DSCAML1: variants seen among roughly 807,000 people sequenced by gnomAD.
DSCAML1 encodes DS cell adhesion molecule like 1.
Under a neutral mutation model 200.5 loss-of-function variants are expected in DSCAML1, and 38 were observed. The ratio of observed to expected loss-of-function variants is 0.19; its 90% CI spans 0.15 to 0.25. The LOEUF (loss-of-function observed/expected upper bound fraction) is 0.25. Ranked by LOEUF, DSCAML1 falls within the 10% of genes least tolerant of loss-of-function variation. The pLI, the probability that DSCAML1 is intolerant of heterozygous loss-of-function variation, is 1.00. For missense variants in DSCAML1, 2,223 were observed against 2,858.8 expected (o/e 0.78, Z 5.07); for synonymous variants, 1,215 against 1,165.0 (o/e 1.04, Z -0.87).
intron 14 of DSCAML1, 138 bp from the exon 15 acceptor site, chr11:117,472,174 G>C: frequency 1.1e-6 from 1 of 915,878 alleles, no homozygotes; most frequent in Admixed American, 2.4e-5. Flanking sequence ...GAGGGCACAG[G>C]CCTGAACAAC....
At chr11:117,751,295 G>A (rs1238221856) in intron 3 of DSCAML1, among the ~76,000 whole-genome samples, 1 of 151,682 alleles carries the variant, frequency 6.6e-6, no homozygotes, top group Non-Finnish European at 1.5e-5. Flanking sequence ...CACACCTTCT[G>A]CTGCATATGC....
intron 3 of DSCAML1, among the ~76,000 whole-genome samples, chr11:117,537,219 T>C (rs1290256263): frequency 1.3e-5 from 2 of 152,192 alleles, no homozygotes; most frequent in Admixed American, 6.5e-5. Flanking sequence ...CATTCATCCA[T>C]CCAGCTCAGT....
intron 11 of DSCAML1, among the ~76,000 whole-genome samples, chr11:117,486,034 A>C (rs2049041225): frequency 6.6e-6 from 1 of 152,238 alleles, no homozygotes; most frequent in African/African-American, 2.4e-5. Flanking sequence ...CCAGGTAATA[A>C]GGACTACCTC....
chr11:117,610,069 AC>A (rs1201086723), intron 3 of DSCAML1, among the ~76,000 whole-genome samples: 6 of 152,298 alleles, frequency 3.9e-5, no homozygotes, highest in Admixed American at 3.3e-4. Context: ...CAAAAAAGCA[AC>A]CTGCCCCCTC....
At chr11:117,440,957 T>TCC (rs892906185) in intron 21 of DSCAML1, among the ~76,000 whole-genome samples, 4 of 142,112 alleles carry the variant, frequency 2.8e-5, no homozygotes, top group Non-Finnish European at 6.0e-5. Flanking sequence ...AGGAGTGGTG[T>TCC]CCTCAGCCGA....
intron 3 of DSCAML1, among the ~76,000 whole-genome samples, chr11:117,566,422 A>C (rs1222487135): frequency 6.8e-6 from 1 of 146,392 alleles, no homozygotes; most frequent in South Asian, 2.1e-4. Flanking sequence ...ATCACCGCTC[A>C]CTGCAACCTC....
intron 19 of DSCAML1, among the ~76,000 whole-genome samples, chr11:117,451,697 C>T (rs2048286497): frequency 6.6e-6 from 1 of 152,002 alleles, no homozygotes; most frequent in Non-Finnish European, 1.5e-5. Flanking sequence ...TGCTTGTTTT[C>T]CCAGCTACTA....
intron 2 of DSCAML1, among the ~76,000 whole-genome samples, chr11:117,778,520 A>G (rs2055173480): frequency 6.6e-6 from 1 of 152,248 alleles, no homozygotes; most frequent in Admixed American, 6.5e-5. Flanking sequence ...TTCATTTATG[A>G]AAGGAAATCA....
chr11:117,452,098 A>G (rs1023549955), intron 19 of DSCAML1, among the ~76,000 whole-genome samples: 2 of 152,136 alleles, frequency 1.3e-5, no homozygotes, highest in Admixed American at 1.3e-4. Flanking sequence ...ATGTCTCTGC[A>G]GCTGTGGGGT....
intron 3 of DSCAML1, among the ~76,000 whole-genome samples, chr11:117,776,015 A>G (rs1046005621): frequency 6.6e-6 from 1 of 152,202 alleles, no homozygotes; most frequent in African/African-American, 2.4e-5. Flanking sequence ...AACCCCTGCA[A>G]TGTGCGGAGA....
At position 117,431,662 on chromosome 11, in the gene DSCAML1, G is replaced by A; in HGVS notation, c.5246C>T (p.Thr1749Ile). 6.2e-7 allele frequency: 1 copy of A among 1,612,770 alleles called. No individual in the cohort carries two copies. Among genetic ancestry groups the A allele is most frequent in the Non-Finnish European group, 8.5e-7 (1 of 1,179,118 alleles). ...TGTGGAGGCCTGGCACTTGGTCAGG[G>A]TCCACTGGCTTGAGTACCGGTTCCG... The part of the protein sequence containing the change: ...STRNRYSSQW[T>I]LTKCQASTPA... The change falls in exon 31 of 33, where the codon ACC becomes ATC. Residue 1749 changes from threonine (T) to isoleucine (I), a missense_variant. By Grantham distance (89) the Thr-to-Ile change is moderately conservative. Coordinates refer to ENST00000651296, the MANE Select transcript of DSCAML1 (RefSeq NM_020693.4).
intron 3 of DSCAML1, among the ~76,000 whole-genome samples, chr11:117,580,181 G>A (rs573286073): frequency 6.6e-6 from 1 of 152,318 alleles, no homozygotes; most frequent in African/African-American, 2.4e-5. Context: ...AATGTACTCA[G>A]GAGATCATGT....
At chr11:117,757,847 A>C (rs2054723356) in intron 3 of DSCAML1, among the ~76,000 whole-genome samples, 1 of 152,058 alleles carries the variant, frequency 6.6e-6, no homozygotes, top group African/African-American at 2.4e-5. Flanking sequence ...AAAATTAGCC[A>C]GGTGTGGTGG....
At chr11:117,567,493 G>A (rs1174801148) in intron 3 of DSCAML1, among the ~76,000 whole-genome samples, 10 of 152,120 alleles carry the variant, frequency 6.6e-5, no homozygotes, top group Non-Finnish European at 1.3e-4. Context: ...TTTGTCAGAT[G>A]AGTAGGTTGT....
chr11:117,552,541 C>G (rs1043455972), intron 3 of DSCAML1, among the ~76,000 whole-genome samples: 9 of 152,096 alleles, frequency 5.9e-5, no homozygotes, highest in Admixed American at 1.3e-4. Context: ...CTTAATCTCT[C>G]TGGGCAATCA....
At chr11:117,803,835 G>GGT (rs2055684035) in intron 1 of DSCAML1, among the ~76,000 whole-genome samples, 1 of 152,218 alleles carries the variant, frequency 6.6e-6, no homozygotes, top group Non-Finnish European at 1.5e-5. Flanking sequence ...GGCCCATGGT[G>GGT]GTGACCTTGA....
intron 19 of DSCAML1, among the ~76,000 whole-genome samples, chr11:117,457,145 G>A (rs2137134708): frequency 6.6e-6 from 1 of 152,362 alleles, no homozygotes; most frequent in Admixed American, 6.5e-5. Flanking sequence ...ATGCCAGGCT[G>A]GGGGCATGCA....
At chr11:117,694,411 A>T (rs192601024) in intron 3 of DSCAML1, among the ~76,000 whole-genome samples, 3 of 143,912 alleles carry the variant, frequency 2.1e-5, no homozygotes, top group Non-Finnish European at 4.6e-5. Context: ...ATCTCAAAAG[A>T]AAAAAAAAAA....
chr11:117,665,166 T>C (rs541133946), intron 3 of DSCAML1, among the ~76,000 whole-genome samples: 1 of 152,288 alleles, frequency 6.6e-6, no homozygotes, highest in South Asian at 2.1e-4. Context: ...CTTTTCACAG[T>C]TGTGATGCCT....
Sources: allele counts gnomAD v4.1 joint callset (sites outside exome capture counted in the v4.1 genomes callset), GRCh38; gene constraint gnomAD v4.1.1; transcripts MANE v1.5; gene names NCBI Gene and HGNC (gene_info 2026-07-23, HGNC 2026-07-21).